TUBA8: variants seen among roughly 807,000 people sequenced by gnomAD.
TUBA8 encodes tubulin alpha-8 chain.
TUBA8 carries 29 observed loss-of-function variants against 34.7 expected under a neutral mutation model. That is an observed-to-expected ratio of 0.84 (90% CI 0.62 to 1.14). The LOEUF is 1.14. TUBA8 is among the 50% of genes most tolerant of loss of function. TUBA8 has a pLI of 0.00. For missense variants in TUBA8, 541 were observed against 599.2 expected, an observed-to-expected ratio of 0.90 and a Z score of 1.01; for synonymous variants, 226 against 231.2, an observed-to-expected ratio of 0.98 and a Z score of 0.21.
intron 4 of TUBA8, chr22:18,127,581 G>A (rs922228798): frequency 1.3e-5 from 2 of 153,558 alleles, no homozygotes; most frequent in East Asian, 1.9e-4. Context: ...GTTTAGTAGA[G>A]ATGGGGTTTC....
At chr22:18,123,533 G>A (rs1194580967) in intron 2 of TUBA8, 2 of 156,506 alleles carry the variant, frequency 1.3e-5, no homozygotes, top group Admixed American at 1.2e-4. Context: ...GGGATTACAG[G>A]CGTGAGTCAC....
chr22:18,125,401 G>A (rs1456382899), intron 3 of TUBA8: 1 of 151,648 alleles, frequency 6.6e-6, no homozygotes, highest in Non-Finnish European at 1.5e-5. Context: ...TGTAGTCCCA[G>A]CTACTCAGGA....
At chr22:18,125,582 C>T (rs1287096407) in intron 3 of TUBA8, 1 of 150,664 alleles carries the variant, frequency 6.6e-6, no homozygotes, top group African/African-American at 2.4e-5. Context: ...GTTCTTACAA[C>T]CAAGAAATGG....
intron 4 of TUBA8, 28 bp downstream of exon 4, chr22:18,127,062 G>C (rs780511607): frequency 6.2e-7 from 1 of 1,612,426 alleles, no homozygotes; most frequent in Non-Finnish European, 8.5e-7. Flanking sequence ...AGGAAGGGGA[G>C]AGAGGACTAG....
At position 18,124,155 on chromosome 22, in the gene TUBA8, G is replaced by C; in HGVS notation, c.227-1G>C. 1 of 1,614,176 alleles carries C rather than the reference G, an allele frequency of 6.2e-7. No homozygotes were observed. Among genetic ancestry groups the C allele is most frequent in the South Asian group, 1.1e-5 (1 of 91,076 alleles). ...ACCTAATGGTCTTCCTCTCTTGGAA[G>C]ATGAGGTTCGGGCAGGAACCTACCG... On this transcript the variant is annotated splice_acceptor_variant, in intron 2 of 4. Coordinates refer to ENST00000330423, the MANE Select transcript of TUBA8 (RefSeq NM_018943.3). LOFTEE classifies it high-confidence loss of function. The surrounding 1 kb of genome is among the most constrained non-coding windows in gnomAD (Gnocchi z 4.3).
At position 18,110,968 on chromosome 22, in the gene TUBA8, G is replaced by T. The variant is rs1206573540; in HGVS notation, c.3+100G>T. 6.6e-6 allele frequency: 10 copies of T among 1,516,284 alleles called. No individual in the cohort carries two copies. The highest frequency in any genetic ancestry group is 2.5e-5 in the East Asian group (1 of 40,768). 93.9% of individuals were successfully genotyped at this position (1,516,284 alleles called of 1,614,324 possible). A position where few individuals can be genotyped will look rare whatever the true frequency, so the allele number is the denominator to read the frequency against. On this transcript the variant is annotated intron_variant, in intron 1 of 4. Transcript: ENST00000330423. The surrounding 1 kb of genome is among the most constrained non-coding windows in gnomAD (Gnocchi z 6.2). ...CGCACGGACCCGTCTTCCTGGAGCC[G>T]CAGGGCTCAAGGCCTTCTGGGGGTG...
chr22:18,116,519 A>C (rs1383653432), intron 1 of TUBA8: 1 of 152,226 alleles, frequency 6.6e-6, no homozygotes, highest in East Asian at 1.9e-4. Context: ...AGAGGGAATC[A>C]TATTAGGTGA....
At chr22:18,116,855 G>A (rs1469764439) in intron 1 of TUBA8, 2 of 152,272 alleles carry the variant, frequency 1.3e-5, no homozygotes, top group Non-Finnish European at 2.9e-5. Flanking sequence ...TCCCTGCTAG[G>A]AGCAGGTGCA....
At chr22:18,120,619 T>A (rs749294972) in intron 1 of TUBA8, 1 of 152,234 alleles carries the variant, frequency 6.6e-6, no homozygotes, top group African/African-American at 2.4e-5. Flanking sequence ...TTTGGTAGGA[T>A]GATTTTCTTT....
At position 18,130,876 on chromosome 22, in the gene TUBA8, C is replaced by T. The variant is rs749719544; in HGVS notation, c.1090C>T (p.Pro364Ser). ...CAACTACCAGCCCCCGACCGTGGTC[C>T]CCGGGGGAGACCTGGCCAAGGTGCA... ...GINYQPPTVV[P>S]GGDLAKVQRA... The change falls in exon 5 of 5, where the codon CCC becomes TCC. Residue 364 changes from proline (P) to serine (S), a missense_variant. Coordinates refer to ENST00000330423, the MANE Select transcript of TUBA8 (RefSeq NM_018943.3). The T allele has an allele frequency of 1.2e-6, 2 of 1,614,026 alleles. No homozygotes were observed. The highest frequency in any genetic ancestry group is 3.3e-5 in the Admixed American group (2 of 60,006).
chr22:18,118,486 C>G lies in TUBA8; in HGVS notation c.4-2993C>G, dbSNP rs892331532. The G allele has an allele frequency of 6.6e-6, 1 of 152,142 alleles. No homozygotes were observed. The highest frequency in any genetic ancestry group is 2.4e-5 in the African/African-American group (1 of 41,422). 9.4% of individuals were successfully genotyped at this position (152,142 alleles called of 1,614,324 possible). ...AGCCTCTTCAGGTGCTTGGGCAGCCCCTTGGTTAGCCTCCGTGCCTCCAGG... is the reference window on the plus strand; with the variant it reads ...AGCCTCTTCAGGTGCTTGGGCAGCCGCTTGGTTAGCCTCCGTGCCTCCAGG... On this transcript the variant is annotated intron_variant, in intron 1 of 4. Transcript: ENST00000330423. This position sits in a 1 kb window ranked among gnomAD's most constrained non-coding sequence, Gnocchi z 4.0.
chr22:18,124,242 C>T lies in TUBA8; in HGVS notation c.313C>T (p.Arg105Trp), dbSNP rs376170562. Residue 105 changes from arginine to tryptophan, a missense_variant, in exon 3 of 5, where the codon CGG becomes TGG. Physicochemically the swap from Arg to Trp is moderately radical, Grantham distance 101. Coordinates refer to ENST00000330423, the MANE Select transcript of TUBA8 (RefSeq NM_018943.3). The surrounding 1 kb of genome is among the most constrained non-coding windows in gnomAD (Gnocchi z 4.3). ...GKEDAANNYA[R>W]GHYTVGKESI... is the part of the protein sequence containing the mutation. ...GGAGGATGCAGCCAACAACTATGCCCGGGGCCACTACACGGTGGGCAAGGA... is the reference window on the plus strand; with the variant it reads ...GGAGGATGCAGCCAACAACTATGCCTGGGGCCACTACACGGTGGGCAAGGA... The T allele has an allele frequency of 6.2e-6, 10 of 1,614,004 alleles. No individual in the cohort carries two copies. Among genetic ancestry groups the T allele is most frequent in the South Asian group, 2.2e-5 (2 of 91,084 alleles).
rs1928147600 is a variant in TUBA8 at position 18,121,543 on chromosome 22, T to G, written c.68T>G (p.Leu23Arg). 6.2e-7 allele frequency: 1 copy of G among 1,614,168 alleles called. No homozygotes were observed. Among genetic ancestry groups the G allele is most frequent in the Non-Finnish European group, 8.5e-7 (1 of 1,180,032 alleles). The change falls in exon 2 of 5, where the codon CTC becomes CGC. Residue 23 changes from leucine to arginine, a missense_variant. Leu to Arg is a moderately radical substitution (Grantham distance 102). Coordinates refer to ENST00000330423, the MANE Select transcript of TUBA8 (RefSeq NM_018943.3). This position sits in a 1 kb window ranked among gnomAD's most constrained non-coding sequence, Gnocchi z 4.8. ...GVQIGNACWE[L>R]FCLEHGIQAD... is the part of the protein sequence containing the mutation. ...CAGATTGGCAATGCCTGCTGGGAGC[T>G]CTTCTGCCTGGAACACGGCATCCAG...
chr22:18,127,167 A>C, intron 4 of TUBA8, 133 bp downstream of exon 4: 1 of 881,210 alleles, frequency 1.1e-6, no homozygotes, highest in South Asian at 1.7e-5. Context: ...CAAATGTAAC[A>C]TGAATGGAAT....
chr22:18,125,484 C>T (rs939070457), intron 3 of TUBA8: 1 of 140,970 alleles, frequency 7.1e-6, no homozygotes, highest in African/African-American at 2.7e-5. Flanking sequence ...CACTGCACTC[C>T]AGCCTGGCGA....
In TUBA8 at chr22:18,124,964, G is replaced by C. The variant is rs1038705079; in HGVS notation, c.375+660G>C. On this transcript the variant is annotated intron_variant, in intron 3 of 4. Coordinates refer to ENST00000330423, the MANE Select transcript of TUBA8 (RefSeq NM_018943.3). This position sits in a 1 kb window ranked among gnomAD's most constrained non-coding sequence, Gnocchi z 4.3. Reference sequence around the variant, plus strand: ...ACATGTTCTTTCCCTGGGAGGTAAGGGTGCCAAACTTTTGCATATATTCAC... The same window carrying C: ...ACATGTTCTTTCCCTGGGAGGTAAGCGTGCCAAACTTTTGCATATATTCAC... 2 of 152,094 alleles carry C rather than the reference G, an allele frequency of 1.3e-5. No homozygotes were observed. Among genetic ancestry groups the C allele is most frequent in the Non-Finnish European group, 2.9e-5 (2 of 68,032 alleles). 9.4% of individuals were successfully genotyped at this position (152,094 alleles called of 1,614,324 possible).
At position 18,121,146 on chromosome 22, in the gene TUBA8, T is replaced by A. The variant is rs1450296239; in HGVS notation, c.4-333T>A. On this transcript the variant is annotated intron_variant, in intron 1 of 4. Coordinates refer to ENST00000330423, the MANE Select transcript of TUBA8 (RefSeq NM_018943.3). The surrounding 1 kb of genome is among the most constrained non-coding windows in gnomAD (Gnocchi z 4.8). ...GAGAGTTTCTGCCATGATCGCCAGT[T>A]CTTCCTTGGGCCTTCTTCACCAGTG... 3.0e-6 allele frequency: 1 copy of A among 337,706 alleles called. No individual in the cohort carries two copies. The highest frequency in any genetic ancestry group is 5.7e-6 in the Non-Finnish European group (1 of 175,758). 20.9% of individuals were successfully genotyped at this position (337,706 alleles called of 1,614,324 possible). A position where few individuals can be genotyped will look rare whatever the true frequency, so the allele number is the denominator to read the frequency against.
intron 4 of TUBA8, 70 bp downstream of exon 4, chr22:18,127,104 A>G: frequency 3.3e-6 from 5 of 1,522,254 alleles, no homozygotes; most frequent in Non-Finnish European, 4.5e-6. Context: ...AGGATATGCA[A>G]TTCCATGGGC....
Position 18,124,853 on chromosome 22 carries a change from A to G in TUBA8, c.375+549A>G, listed in dbSNP as rs924072833. 2.6e-5 allele frequency: 4 copies of G among 154,030 alleles called. No individual in the cohort carries two copies. Among genetic ancestry groups the G allele is most frequent in the African/African-American group, 7.2e-5 (3 of 41,452 alleles). The allele number at this position is 154,030 out of a possible 1,614,324, so 9.5% of individuals were successfully genotyped here. On this transcript the variant is annotated intron_variant, in intron 3 of 4. Transcript: ENST00000330423. This position sits in a 1 kb window ranked among gnomAD's most constrained non-coding sequence, Gnocchi z 4.3. ...TGGGGTTTGAACTCAGTTGGACTAC[A>G]AAGCTCTTGAGTTGTAGGTTGTGTC... is the stretch of plus-strand genomic sequence containing the variant.
Sources: gnomAD v4.1 joint callset for allele counts on GRCh38, gnomAD v4.1.1 for gene constraint, Gnocchi (gnomAD v3.1) non-coding constraint, MANE v1.5 for transcripts, NCBI Gene and HGNC (gene_info 2026-07-23, HGNC 2026-07-21) for gene names.